The following TLN2 variants were observed in gnomAD, a reference collection of about 807,000 sequenced individuals.
The protein encoded by TLN2 is talin-2.
Under a neutral mutation model 294.7 loss-of-function variants are expected in TLN2, and 118 were observed. The observed-to-expected ratio is 0.40, with a 90% CI of 0.34 to 0.47. The LOEUF (loss-of-function observed/expected upper bound fraction) is 0.47. TLN2 is among the 20% of genes least tolerant of loss of function. The probability of loss-of-function intolerance (pLI) is 0.84; values close to 1 mark genes in which losing one functional copy is unlikely to be tolerated. For missense variants in TLN2, 3,083 were observed against 3,282.2 expected, an observed-to-expected ratio of 0.94 and a Z score of 1.48; for synonymous variants, 1,431 against 1,304.5, an observed-to-expected ratio of 1.10 and a Z score of -2.09.
intron 3 of TLN2, among the ~76,000 whole-genome samples, chr15:62,623,148 A>G (rs532908881): frequency 1.3e-5 from 2 of 152,366 alleles, no homozygotes; most frequent in South Asian, 4.1e-4. Context: ...GTGCTGGTTA[A>G]TCTGTGCGGG....
chr15:62,470,428 G>A (rs1332939343), intron 1 of TLN2, among the ~76,000 whole-genome samples: 2 of 152,250 alleles, frequency 1.3e-5, no homozygotes, highest in African/African-American at 4.8e-5. Context: ...CCTGGGCCAG[G>A]GCTGACAGTG....
At chr15:62,426,310 C>T (rs935808655) in intron 1 of TLN2, among the ~76,000 whole-genome samples, 7 of 152,202 alleles carry the variant, frequency 4.6e-5, no homozygotes, top group African/African-American at 1.7e-4. Flanking sequence ...TTAAATGTTT[C>T]AGCAGGCATT....
Position 62,783,907 on chromosome 15 carries a change from C to A in TLN2, c.5736+17C>A, listed in dbSNP as rs748032703. ...CCAGAGGAGGTCTGCCACCTTAAGA[C>A]CCCTATTTTAAGATGCACACACACA... On this transcript the variant is annotated intron_variant, in intron 45 of 58. Coordinates refer to ENST00000636159, the MANE Select transcript of TLN2 (RefSeq NM_015059.3). 11 of 1,613,328 alleles carry A rather than the reference C, an allele frequency of 6.8e-6. No homozygotes were observed. The Admixed American group carries it at 1.2e-4, about 17-fold the overall frequency.
chr15:62,794,178 C>T (rs1322444498), intron 46 of TLN2, among the ~76,000 whole-genome samples: 1 of 152,212 alleles, frequency 6.6e-6, no homozygotes, highest in Non-Finnish European at 1.5e-5. Context: ...CCTGAGCTGG[C>T]CTCGGCCGCT....
intron 54 of TLN2, chr15:62,823,867 C>T (rs568053653): frequency 1.1e-5 from 5 of 450,762 alleles, no homozygotes; most frequent in South Asian, 5.0e-5. Flanking sequence ...AGACAGTTAT[C>T]GGAGTTGCTG....
At chr15:62,676,125 A>C (rs2056161094) in intron 11 of TLN2, among the ~76,000 whole-genome samples, 1 of 152,206 alleles carries the variant, frequency 6.6e-6, no homozygotes, top group Non-Finnish European at 1.5e-5. Context: ...AGTAGGAAGG[A>C]CAAAACTGAC....
chr15:62,798,747 C>T (rs1259285066), intron 48 of TLN2, among the ~76,000 whole-genome samples: 3 of 152,228 alleles, frequency 2.0e-5, no homozygotes, highest in African/African-American at 7.2e-5. Context: ...CTCGTTCCCT[C>T]ACGGCATGAC....
At chr15:62,835,631 A>C (rs2141256750) in intron 55 of TLN2, 106 bp from the exon 56 acceptor site, 1 of 1,272,902 alleles carries the variant, frequency 7.9e-7, no homozygotes, top group Admixed American at 1.7e-5. Context: ...GGCAGGAGGC[A>C]CCAAGCGGGG....
rs141378215 is a variant in TLN2, at chr15:62,838,936, C to T, written c.7455C>T (p.Asp2485=). 54 of 1,613,880 alleles carry T rather than the reference C, an allele frequency of 3.3e-5. No individual in the cohort carries two copies. Among genetic ancestry groups the T allele is most frequent in the African/African-American group, 3.2e-4 (24 of 74,802 alleles). The change falls in exon 58 of 59, where the codon GAC becomes GAT. Residue 2485 remains aspartate (D), a synonymous_variant. Coordinates refer to ENST00000636159, the MANE Select transcript of TLN2 (RefSeq NM_015059.3). Reference sequence around the variant, plus strand: ...AGGCAGCTTTTGGCAAAGCTGATGACGACGATGTTGTAGTGAAAACCAAGT... The same window carrying T: ...AGGCAGCTTTTGGCAAAGCTGATGATGACGATGTTGTAGTGAAAACCAAGT... ...AQKAAFGKAD[D]DDVVVKTKFV...
In TLN2 at chr15:62,755,672, C is replaced by T. The variant is rs2062202987; in HGVS notation, c.4617C>T (p.Ala1539=). Residue 1539 remains alanine (A), a synonymous_variant, in exon 37 of 59, where the codon GCC becomes GCT. Coordinates refer to ENST00000636159, the MANE Select transcript of TLN2 (RefSeq NM_015059.3). ...CCAAGGAAGTCGCCAACAGCACTGC[C>T]AACCTGGTGAAGACCATCAAGGTAG... The part of the protein sequence containing the change: ...QSAKEVANST[A]NLVKTIKALD... 6.2e-7 allele frequency: 1 copy of T among 1,614,120 alleles called. No homozygotes were observed. Among genetic ancestry groups the T allele is most frequent in the African/African-American group, 1.3e-5 (1 of 74,944 alleles).
chr15:62,685,632 A>G (rs1329942255), intron 11 of TLN2, among the ~76,000 whole-genome samples: 1 of 152,238 alleles, frequency 6.6e-6, no homozygotes, highest in Non-Finnish European at 1.5e-5. Flanking sequence ...AAATCTGAGT[A>G]TTAATTTTAA....
In TLN2 at chr15:62,709,720, T is replaced by TCTTTTTC. The variant is rs1555483297; in HGVS notation, c.2467+924_2467+925insCTTTTTC. On this transcript the variant is annotated intron_variant, in intron 21 of 58. Coordinates refer to ENST00000636159, the MANE Select transcript of TLN2 (RefSeq NM_015059.3). ...TTCATTTTATATATCTTAAAGACTT[T>TCTTTTTC]TTTTTTCTTTTTTCTTTTTTCTTTT... is the stretch of plus-strand genomic sequence containing the variant. Among the ~76,000 whole-genome samples the TCTTTTTC allele has an allele frequency of 7.8e-4, 116 of 148,662 alleles. 1 individual carries two copies. In the East Asian group the frequency reaches 0.012, roughly 16 times the overall value.
chr15:62,604,646 T>C (rs2047276570), intron 2 of TLN2, among the ~76,000 whole-genome samples: 1 of 149,972 alleles, frequency 6.7e-6, no homozygotes, highest in Non-Finnish European at 1.5e-5. Flanking sequence ...CAGTGTGTAG[T>C]TGGAAGGAGG....
chr15:62,647,508 T>G, intron 4 of TLN2, 62 bp downstream of exon 4: 1 of 1,608,018 alleles, frequency 6.2e-7, no homozygotes, highest in Non-Finnish European at 8.5e-7. Context: ...ACTTTTTTGC[T>G]AAAGAGACAG....
At chr15:62,805,916 G>T (rs1458548072) in intron 51 of TLN2, 131 bp downstream of exon 51, 1 of 1,020,236 alleles carries the variant, frequency 9.8e-7, no homozygotes, top group Non-Finnish European at 1.4e-6. Context: ...AGGGCCAGGG[G>T]TAGTGGCTTA....
At chr15:62,692,456 A>G (rs183852196) in intron 12 of TLN2, among the ~76,000 whole-genome samples, 2 of 152,210 alleles carry the variant, frequency 1.3e-5, no homozygotes, top group East Asian at 1.9e-4. Flanking sequence ...TAGTTCCCCA[A>G]ATTAGTCTCT....
At chr15:62,537,307 G>A (rs546399406) in intron 1 of TLN2, among the ~76,000 whole-genome samples, 11 of 152,242 alleles carry the variant, frequency 7.2e-5, no homozygotes, top group African/African-American at 2.6e-4. Context: ...GAGCCACCGC[G>A]CCCGGCCTGT....
chr15:62,504,842 T>TGAGAGAGA (rs1179553956), intron 1 of TLN2, among the ~76,000 whole-genome samples: 2 of 143,460 alleles, frequency 1.4e-5, no homozygotes, highest in African/African-American at 5.4e-5. Context: ...TGTGTGTGTG[T>TGAGAGAGA]GTGTGAGAGA....
chr15:62,769,451 G>A (rs192137047), intron 41 of TLN2, among the ~76,000 whole-genome samples: 95 of 152,236 alleles, frequency 6.2e-4, no homozygotes, highest in Middle Eastern at 6.8e-3. Flanking sequence ...CTGCCCAAAG[G>A]ACCCCTTTAA....
Sources: allele counts gnomAD v4.1 joint callset (sites outside exome capture counted in the v4.1 genomes callset), GRCh38; gene constraint gnomAD v4.1.1; transcripts MANE v1.5; gene names NCBI Gene and HGNC (gene_info 2026-07-23, HGNC 2026-07-21).